Variants in ARHGEF9 observed in about 807,000 individuals in gnomAD.
The protein encoded by ARHGEF9 is rho guanine nucleotide exchange factor 9.
A neutral mutation model predicts 41.3 loss-of-function variants in ARHGEF9; 2 were observed. That is an observed-to-expected ratio of 0.05 (90% confidence interval 0.02 to 0.15). The LOEUF (loss-of-function observed/expected upper bound fraction) is 0.15, where lower values mean the gene tolerates loss of function less well. Among genes scored for constraint, ARHGEF9 ranks in the 10% least tolerant of loss-of-function variants. ARHGEF9 has a pLI of 1.00. For missense variants in ARHGEF9, 225 were observed against 424.7 expected, an observed-to-expected ratio of 0.53 and a Z score of 4.13; for synonymous variants, 160 against 154.4, an observed-to-expected ratio of 1.04 and a Z score of -0.27.
intron 1 of ARHGEF9, chrX:63,725,054 G>A: frequency 4.4e-6 from 1 of 229,042 alleles, no homozygotes; most frequent in Non-Finnish European, 7.8e-6. Flanking sequence ...AGGAATGGGT[G>A]GAGAGGCTGA....
intron 2 of ARHGEF9, among the ~76,000 whole-genome samples, chrX:63,706,735 A>T (rs2052572961): frequency 8.9e-6 from 1 of 111,956 alleles, no homozygotes; most frequent in Non-Finnish European, 1.9e-5. Context: ...TAAAAAGGTT[A>T]AGCTATACAT....
intron 7 of ARHGEF9, among the ~76,000 whole-genome samples, chrX:63,660,264 C>T (rs1270163239): frequency 1.8e-5 from 2 of 111,547 alleles, no homozygotes; most frequent in Non-Finnish European, 3.8e-5. Context: ...AACTGGAGGC[C>T]ATTATCCTAA....
intron 7 of ARHGEF9, among the ~76,000 whole-genome samples, chrX:63,660,573 C>A (rs1334482827): frequency 3.6e-5 from 4 of 111,991 alleles, no homozygotes; most frequent in Non-Finnish European, 3.8e-5. Flanking sequence ...AGAAATTTTT[C>A]CAGGAATAAA....
chrX:63,740,897 G>C (rs1191371926), intron 1 of ARHGEF9, among the ~76,000 whole-genome samples: 1 of 111,901 alleles, frequency 8.9e-6, no homozygotes, highest in Non-Finnish European at 1.9e-5. Context: ...CCAAGCTGCT[G>C]TGCCTAGGGG....
intron 1 of ARHGEF9, among the ~76,000 whole-genome samples, chrX:63,762,913 T>C (rs1556450234): frequency 1.8e-5 from 2 of 112,187 alleles, no homozygotes; most frequent in Non-Finnish European, 3.8e-5. Context: ...GGTGATCTAC[T>C]TCCACATAAT....
chrX:63,754,817 T>C, intron 1 of ARHGEF9: 1 of 941,109 alleles, frequency 1.1e-6, no homozygotes, highest in Non-Finnish European at 1.3e-6. Flanking sequence ...TGTCCCTAGC[T>C]GAGAAATCTT....
chrX:63,767,054 C>A lies in ARHGEF9; in HGVS notation c.30+18062G>T, dbSNP rs1171458832. On this transcript the variant is annotated intron_variant, in intron 1 of 9. Transcript: ENST00000671741. Reference sequence around the variant, plus strand: ...TTGAAGAGGTGAATATGTTTACAAACCAAGGAACAGTGATCCACTTTAACA... The same window carrying A: ...TTGAAGAGGTGAATATGTTTACAAAACAAGGAACAGTGATCCACTTTAACA... The A allele has an allele frequency of 1.6e-5, 16 of 981,474 alleles. No individual in the cohort carries two copies. In the African/African-American group the frequency reaches 3.0e-4, roughly 19 times the overall value. The allele number at this position is 981,474 out of a possible 1,213,427, so 80.9% of individuals were successfully genotyped here. A position where few individuals can be genotyped will look rare whatever the true frequency, so the allele number is the denominator to read the frequency against.
intron 7 of ARHGEF9, among the ~76,000 whole-genome samples, chrX:63,664,811 A>G (rs2049421717): frequency 8.9e-6 from 1 of 111,801 alleles, no homozygotes; most frequent in Admixed American, 9.5e-5. Context: ...CCCTCAATCC[A>G]CTGTCAAAGC....
intron 1 of ARHGEF9, chrX:63,755,092 C>A: frequency 2.1e-6 from 2 of 938,939 alleles, no homozygotes; most frequent in Non-Finnish European, 1.3e-6. Context: ...CGATCCCTGC[C>A]TTGCTGGCCC....
chrX:63,665,851 C>T, intron 7 of ARHGEF9, 35 bp downstream of exon 7: 1 of 1,204,479 alleles, frequency 8.3e-7, no homozygotes, highest in East Asian at 3.0e-5. Context: ...CTGTTAGGTA[C>T]CCATCTCCCT....
intron 8 of ARHGEF9, among the ~76,000 whole-genome samples, chrX:63,653,785 G>A (rs1268010180): frequency 9.0e-6 from 1 of 110,545 alleles, no homozygotes; most frequent in Non-Finnish European, 1.9e-5. Context: ...GGTTATAATG[G>A]TCATGCATTA....
chrX:63,646,309 G>A (rs781979682), intron 8 of ARHGEF9, among the ~76,000 whole-genome samples: 4 of 111,898 alleles, frequency 3.6e-5, no homozygotes, highest in South Asian at 3.7e-4. Flanking sequence ...TTGCCCATGC[G>A]TATGTCCCGA....
At chrX:63,710,738 T>C (rs1556406319) in intron 2 of ARHGEF9, among the ~76,000 whole-genome samples, 2 of 111,529 alleles carry the variant, frequency 1.8e-5, no homozygotes, top group African/African-American at 6.5e-5. Context: ...TATTTAATGG[T>C]GAAAGACTGA....
chrX:63,706,229 A>T, intron 3 of ARHGEF9, 29 bp downstream of exon 3: 1 of 1,176,876 alleles, frequency 8.5e-7, no homozygotes, highest in African/African-American at 1.8e-5. Flanking sequence ...TCTTCGTGGA[A>T]GTGCCTCCAC....
chrX:63,731,660 A>G (rs1461787441), intron 1 of ARHGEF9, among the ~76,000 whole-genome samples: 1 of 107,360 alleles, frequency 9.3e-6, no homozygotes, highest in Non-Finnish European at 1.9e-5. Flanking sequence ...CCCGGGTTCA[A>G]GTGATTCTCC....
At chrX:63,773,764 G>T (rs1602747767) in intron 1 of ARHGEF9, among the ~76,000 whole-genome samples, 1 of 111,469 alleles carries the variant, frequency 9.0e-6, no homozygotes, top group Non-Finnish European at 1.9e-5. Context: ...TTGAAGATAT[G>T]AATAGAACAA....
At position 63,721,434 on chromosome X, in the gene ARHGEF9, G is replaced by T. The variant is rs1475259877; in HGVS notation, c.210+3098C>A. Among the ~76,000 whole-genome samples the T allele has an allele frequency of 3.6e-5, 4 of 110,899 alleles. No individual in the cohort carries two copies. The East Asian group carries it at 1.1e-3, about 31-fold the overall frequency. Reference sequence around the variant, plus strand: ...CACCTCAGCAAGCTCTTTACTTTCTGACCAAACCCATGCCTTGTCACACGA... The same window carrying T: ...CACCTCAGCAAGCTCTTTACTTTCTTACCAAACCCATGCCTTGTCACACGA... On this transcript the variant is annotated intron_variant, in intron 2 of 9. Coordinates refer to ENST00000671741, the MANE Select transcript of ARHGEF9 (RefSeq NM_001353921.2).
At chrX:63,713,701 T>C (rs868949326) in intron 2 of ARHGEF9, among the ~76,000 whole-genome samples, 8 of 94,278 alleles carry the variant, frequency 8.5e-5, no homozygotes, top group Admixed American at 8.1e-4. Context: ...CCACTTCACA[T>C]ACACACACAC....
chrX:63,751,976 C>G (rs1301802395), intron 1 of ARHGEF9, among the ~76,000 whole-genome samples: 1 of 111,466 alleles, frequency 9.0e-6, no homozygotes, highest in African/African-American at 3.3e-5. Context: ...AAACCTAGAT[C>G]AAAGACTAGT....
Sources: gnomAD v4.1 joint callset for allele counts (sites outside exome capture counted in the v4.1 genomes callset) on GRCh38, gnomAD v4.1.1 for gene constraint, MANE v1.5 for transcripts, NCBI Gene and HGNC (gene_info 2026-07-23, HGNC 2026-07-21) for gene names.